Variants in MTTP observed in about 807,000 individuals in gnomAD.
The protein encoded by MTTP is microsomal triglyceride transfer protein large subunit.
Under a neutral mutation model 90.6 loss-of-function variants are expected in MTTP, and 49 were observed. The ratio of observed to expected loss-of-function variants is 0.54; its 90% CI spans 0.43 to 0.69. The LOEUF (loss-of-function observed/expected upper bound fraction) is 0.69. Ranked by LOEUF, MTTP falls within the 30% of genes least tolerant of loss-of-function variation. MTTP has a pLI of 0.00. For missense variants in MTTP, 945 were observed against 1,067.5 expected, an observed-to-expected ratio of 0.89 and a Z score of 1.60; for synonymous variants, 347 against 384.2, an observed-to-expected ratio of 0.90 and a Z score of 1.13.
chr4:99,623,025 C>T lies in MTTP; in HGVS notation c.*177C>T. 1 of 665,896 alleles carries T rather than the reference C, an allele frequency of 1.5e-6. No individual in the cohort carries two copies. The highest frequency in any genetic ancestry group is 2.6e-6 in the Non-Finnish European group (1 of 378,150). 41.2% of individuals were successfully genotyped at this position (665,896 alleles called of 1,614,324 possible). On this transcript the variant is annotated 3_prime_UTR_variant, in exon 18 of 18. Transcript: ENST00000265517. ...AATTTGGGTATATGCAGTATGCTAC[C>T]CACAGCGTCATTTTGAATCATCATG...
chr4:99,571,989 TTC>T (rs1724851388), upstream of MTTP, among the ~76,000 whole-genome samples: 1 of 151,862 alleles, frequency 6.6e-6, no homozygotes, highest in Admixed American at 6.6e-5. Context: ...CATCCTGACT[TTC>T]TATATCTAGT....
intron 2 of MTTP, 122 bp from the exon 3 acceptor site, chr4:99,583,251 GA>G: frequency 8.8e-7 from 1 of 1,136,814 alleles, no homozygotes; most frequent in South Asian, 1.5e-5. Flanking sequence ...ATCATGAATT[GA>G]AAAATGACAG....
chr4:99,582,106 A>G lies in MTTP; in HGVS notation c.249+14A>G, dbSNP rs1039196363. ...ATCCAAATAACGGTGGGCATTTTCT[A>G]CCAGATAAATGCAAAGATTAGATAT... is the stretch of plus-strand genomic sequence containing the variant. On this transcript the variant is annotated intron_variant, in intron 2 of 17. Transcript: ENST00000265517. The G allele has an allele frequency of 1.2e-6, 2 of 1,613,658 alleles. No homozygotes were observed. Among genetic ancestry groups the G allele is most frequent in the Non-Finnish European group, 8.5e-7 (1 of 1,179,564 alleles).
At position 99,600,443 on chromosome 4, in the gene MTTP, A is replaced by T. The variant is rs575446559; in HGVS notation, c.1068-122A>T. On this transcript the variant is annotated intron_variant, in intron 8 of 17. Coordinates refer to ENST00000265517, the MANE Select transcript of MTTP (RefSeq NM_001386140.1). The stretch of plus-strand genomic sequence containing the variant: ...GTCTTAATCATTTTTTCATTTGTTC[A>T]AATTAAAAAAAAAATCACTTCTTGA... The T allele has an allele frequency of 8.7e-6, 9 of 1,028,916 alleles. No homozygotes were observed. The South Asian group carries it at 1.3e-4, about 14-fold the overall frequency. 63.7% of individuals were successfully genotyped at this position (1,028,916 alleles called of 1,614,324 possible).
chr4:99,565,496 T>C (rs1724659995), intron 1 of MTTP, among the ~76,000 whole-genome samples: 1 of 152,238 alleles, frequency 6.6e-6, no homozygotes, highest in Non-Finnish European at 1.5e-5. Context: ...GGTGAAATCA[T>C]GTGAAACAAT....
chr4:99,577,056 T>C (rs763280865), intron 1 of MTTP, among the ~76,000 whole-genome samples: 12 of 152,214 alleles, frequency 7.9e-5, no homozygotes, highest in Non-Finnish European at 1.8e-4. Context: ...ATTAAAAGTG[T>C]ACAACTTGAG....
At chr4:99,586,229 C>G (rs1030379355) in intron 3 of MTTP, among the ~76,000 whole-genome samples, 1 of 152,132 alleles carries the variant, frequency 6.6e-6, no homozygotes, top group African/African-American at 2.4e-5. Context: ...CTCATCTTCC[C>G]TACATAAGTG....
At chr4:99,615,026 A>AT (rs1198809876) in intron 15 of MTTP, among the ~76,000 whole-genome samples, 4 of 152,354 alleles carry the variant, frequency 2.6e-5, no homozygotes, top group African/African-American at 9.6e-5. Context: ...TAAAGGCAGC[A>AT]TAAGTACTGA....
chr4:99,614,261 G>C (rs1446074036), intron 15 of MTTP, among the ~76,000 whole-genome samples: 1 of 152,168 alleles, frequency 6.6e-6, no homozygotes, highest in Non-Finnish European at 1.5e-5. Flanking sequence ...CCTGGAACAG[G>C]TGGTCTGAAG....
chr4:99,577,400 G>A (rs1578231619), intron 1 of MTTP, among the ~76,000 whole-genome samples: 1 of 151,984 alleles, frequency 6.6e-6, no homozygotes, highest in East Asian at 1.9e-4. Flanking sequence ...GAGGTTGGGA[G>A]TTCGAGACCA....
At chr4:99,597,746 T>C (rs1725593732) in intron 8 of MTTP, among the ~76,000 whole-genome samples, 1 of 152,214 alleles carries the variant, frequency 6.6e-6, no homozygotes, top group African/African-American at 2.4e-5. Flanking sequence ...TAAATCCATA[T>C]GTTACTTAAT....
chr4:99,571,140 C>T (rs1280993001), upstream of MTTP, among the ~76,000 whole-genome samples: 1 of 151,946 alleles, frequency 6.6e-6, no homozygotes, highest in African/African-American at 2.4e-5. Flanking sequence ...CTTGACCTCT[C>T]TTTAACATTT....
intron 8 of MTTP, among the ~76,000 whole-genome samples, chr4:99,598,953 G>A (rs994392079): frequency 8.6e-5 from 13 of 152,024 alleles, no homozygotes; most frequent in African/African-American, 2.9e-4. Context: ...GTGAGCCACC[G>A]CACATGGCCA....
In MTTP at chr4:99,601,708, A is replaced by G. The variant is rs1725703080; in HGVS notation, c.1338A>G (p.Lys446=). Residue 446 remains lysine, a synonymous_variant, in exon 10 of 18, where the codon AAA becomes AAG. Transcript: ENST00000265517. The part of the protein sequence containing the change: ...VRKLCQNEGC[K]LKAVVEAKKL... ...AGTTGTGTCAGAATGAAGGCTGCAAACTCAAAGTAAGTGCAAATCCAATCT... is the reference window on the plus strand; with the variant it reads ...AGTTGTGTCAGAATGAAGGCTGCAAGCTCAAAGTAAGTGCAAATCCAATCT... The G allele has an allele frequency of 1.2e-6, 2 of 1,610,102 alleles. No homozygotes were observed. The highest frequency in any genetic ancestry group is 1.7e-6 in the Non-Finnish European group (2 of 1,176,644).
chr4:99,614,678 T>A (rs1179764955), intron 15 of MTTP, among the ~76,000 whole-genome samples: 4 of 152,164 alleles, frequency 2.6e-5, no homozygotes, highest in African/African-American at 9.7e-5. Flanking sequence ...ATCAGATGGC[T>A]GCTCCACTTC....
intron 15 of MTTP, among the ~76,000 whole-genome samples, chr4:99,615,613 G>C (rs1726079652): frequency 6.6e-6 from 1 of 152,192 alleles, no homozygotes; most frequent in African/African-American, 2.4e-5. Flanking sequence ...TACCACTCTA[G>C]GTCAAGTGCT....
chr4:99,583,016 G>C (rs542231692), intron 2 of MTTP, among the ~76,000 whole-genome samples: 1 of 152,056 alleles, frequency 6.6e-6, no homozygotes, highest in African/African-American at 2.4e-5. Context: ...AATAGGGCAG[G>C]GGTCCTTTCC....
At chr4:99,605,002 T>C (rs1725779683) in intron 10 of MTTP, among the ~76,000 whole-genome samples, 1 of 152,198 alleles carries the variant, frequency 6.6e-6, no homozygotes, top group Non-Finnish European at 1.5e-5. Flanking sequence ...TCTTTTTCAT[T>C]CTCTTCTGTT....
intron 7 of MTTP, among the ~76,000 whole-genome samples, chr4:99,596,377 A>G (rs1725552544): frequency 6.6e-6 from 1 of 152,196 alleles, no homozygotes; most frequent in Admixed American, 6.5e-5. Context: ...AATTAGAACT[A>G]TTTATTAGGT....
Sources: gnomAD v4.1 joint callset for allele counts (sites outside exome capture counted in the v4.1 genomes callset) on GRCh38, gnomAD v4.1.1 for gene constraint, MANE v1.5 for transcripts, NCBI Gene and HGNC (gene_info 2026-07-23, HGNC 2026-07-21) for gene names.